The following VPS53 variants were observed in gnomAD, a reference collection of about 807,000 sequenced individuals.
The protein encoded by VPS53 is VPS53 subunit of GARP complex.
VPS53 carries 70 observed loss-of-function variants against 107.0 expected under a neutral mutation model. The observed-to-expected ratio is 0.65, with a 90% confidence interval of 0.54 to 0.80. The LOEUF (loss-of-function observed/expected upper bound fraction) is 0.80, where lower values mean the gene tolerates loss of function less well. Ranked by LOEUF, VPS53 falls within the 30% of genes least tolerant of loss-of-function variation. The pLI, the probability that VPS53 is intolerant of heterozygous loss-of-function variation, is 0.00. For missense variants in VPS53, 917 were observed against 1,049.4 expected, an observed-to-expected ratio of 0.87 and a Z score of 1.74; for synonymous variants, 409 against 393.3, an observed-to-expected ratio of 1.04 and a Z score of -0.47.
chr17:555,800 C>T (rs1912291810), intron 15 of VPS53, among the ~76,000 whole-genome samples: 1 of 152,218 alleles, frequency 6.6e-6, no homozygotes, highest in South Asian at 2.1e-4. Flanking sequence ...TGAATCAGCT[C>T]AGGCTTCTAC....
intron 13 of VPS53, among the ~76,000 whole-genome samples, chr17:568,274 C>T (rs547522685): frequency 6.6e-6 from 1 of 152,182 alleles, no homozygotes; most frequent in South Asian, 2.1e-4. Context: ...TTTTTTGAGA[C>T]AGGGTCACCC....
intron 17 of VPS53, among the ~76,000 whole-genome samples, chr17:542,167 T>G (rs1319164139): frequency 6.6e-6 from 1 of 152,270 alleles, no homozygotes; most frequent in Non-Finnish European, 1.5e-5. Flanking sequence ...CCTGACATTT[T>G]CACATGACCT....
In VPS53 at chr17:512,755, C is replaced by G. The variant is rs1908029603; in HGVS notation, c.*6373G>C. 6.6e-6 allele frequency: 1 copy of G among 152,164 alleles called. No homozygotes were observed. Among genetic ancestry groups the G allele is most frequent in the Admixed American group, 6.5e-5 (1 of 15,276 alleles). 9.4% of individuals were successfully genotyped at this position (152,164 alleles called of 1,614,324 possible). On this transcript the variant is annotated 3_prime_UTR_variant, in exon 22 of 22. Transcript: ENST00000437048. ...TTTCATGGCAAAAACGTCCAACCAG[C>G]TACTAAGGAAACAGGATGGACTCAT... is the stretch of plus-strand genomic sequence containing the variant.
chr17:640,422 G>A (rs1002906854), intron 7 of VPS53, among the ~76,000 whole-genome samples: 1 of 152,104 alleles, frequency 6.6e-6, no homozygotes, highest in Non-Finnish European at 1.5e-5. Flanking sequence ...CCCACTGTCC[G>A]ACAAGCCCCA....
intron 4 of VPS53, among the ~76,000 whole-genome samples, chr17:662,493 T>C (rs369003595): frequency 1.6e-3 from 246 of 151,844 alleles, no homozygotes; most frequent in Non-Finnish European, 2.4e-3. Flanking sequence ...ATCAAGACCA[T>C]CCTGGCTAAC....
intron 13 of VPS53, among the ~76,000 whole-genome samples, chr17:572,155 C>T (rs1225599145): frequency 2.6e-5 from 4 of 151,252 alleles, no homozygotes; most frequent in Admixed American, 6.6e-5. Flanking sequence ...TCTGCCCGGC[C>T]GCCCATCGTC....
At chr17:553,690 C>T (rs1912078053) in intron 15 of VPS53, among the ~76,000 whole-genome samples, 2 of 151,744 alleles carry the variant, frequency 1.3e-5, no homozygotes, top group Non-Finnish European at 2.9e-5. Flanking sequence ...CCTGCCTCAG[C>T]CTCCCGAGTA....
intron 12 of VPS53, among the ~76,000 whole-genome samples, chr17:599,775 A>C (rs1344156286): frequency 4.0e-5 from 5 of 126,010 alleles, no homozygotes; most frequent in Non-Finnish European, 8.9e-5. Flanking sequence ...AAAAAAAAAA[A>C]CAAAAACAAA....
intron 12 of VPS53, among the ~76,000 whole-genome samples, chr17:590,282 G>A (rs1415486883): frequency 2.0e-5 from 3 of 152,204 alleles, no homozygotes; most frequent in Non-Finnish European, 4.4e-5. Flanking sequence ...TTTGGGCTGA[G>A]ATAATGGGGT....
At chr17:588,424 G>A (rs1035382644) in intron 12 of VPS53, among the ~76,000 whole-genome samples, 4 of 152,092 alleles carry the variant, frequency 2.6e-5, no homozygotes, top group Admixed American at 2.6e-4. Flanking sequence ...CCTAATGACA[G>A]AAATGATAAC....
chr17:642,299 C>T (rs939539273), intron 7 of VPS53, among the ~76,000 whole-genome samples: 20 of 151,834 alleles, frequency 1.3e-4, no homozygotes, highest in African/African-American at 3.4e-4. Flanking sequence ...ACTTGGCAAC[C>T]GAGGACAACA....
Position 702,122 on chromosome 17 carries a change from G to C in VPS53, c.169-2742C>G, listed in dbSNP as rs149208521. 3.7e-3 allele frequency among the ~76,000 whole-genome samples: 559 copies of C among 152,308 alleles called. 2 individuals are homozygous for C. The Middle Eastern group carries it at 0.068, about 19-fold the overall frequency. Reference sequence around the variant, plus strand: ...TATGTCTGTCCTTTGGGAGGCTGAGGTGGGTGGACTGCTAGAGCCCAAGAG... The same window carrying C: ...TATGTCTGTCCTTTGGGAGGCTGAGCTGGGTGGACTGCTAGAGCCCAAGAG... On this transcript the variant is annotated intron_variant, in intron 2 of 21. Coordinates refer to ENST00000437048, the MANE Select transcript of VPS53 (RefSeq NM_001128159.3).
chr17:631,829 A>G (rs536842275), intron 7 of VPS53, among the ~76,000 whole-genome samples: 22 of 152,130 alleles, frequency 1.4e-4, no homozygotes, highest in African/African-American at 5.1e-4. Flanking sequence ...CTCAGGGTGA[A>G]TCTTCTATAT....
intron 4 of VPS53, among the ~76,000 whole-genome samples, chr17:677,104 C>T (rs1159306540): frequency 1.3e-5 from 2 of 152,120 alleles, no homozygotes; most frequent in Admixed American, 6.6e-5. Context: ...CCTAGGTACA[C>T]AGCATAAGGG....
intron 19 of VPS53, among the ~76,000 whole-genome samples, chr17:529,836 T>C (rs1041884470): frequency 5.5e-5 from 8 of 146,776 alleles, no homozygotes; most frequent in African/African-American, 2.1e-4. Flanking sequence ...GAGACCAGCC[T>C]GGGAGACACA....
chr17:648,745 T>G (rs112649591), intron 7 of VPS53, among the ~76,000 whole-genome samples: 6,093 of 63,124 alleles, frequency 0.097, 79 homozygotes, highest in East Asian at 0.17. Context: ...TCTTACACTA[T>G]AGGACAGAGG....
At chr17:625,066 A>G (rs1263834266) in intron 10 of VPS53, among the ~76,000 whole-genome samples, 3 of 148,466 alleles carry the variant, frequency 2.0e-5, no homozygotes, top group Admixed American at 6.9e-5. Context: ...ATAATGGCCT[A>G]CTGCAACCTT....
chr17:686,327 A>G (rs1012185163), intron 4 of VPS53, among the ~76,000 whole-genome samples: 1 of 152,058 alleles, frequency 6.6e-6, no homozygotes, highest in African/African-American at 2.4e-5. Flanking sequence ...CTCTAAGAAG[A>G]AAAAAAAGAA....
At chr17:545,079 T>A (rs1031987194) in intron 17 of VPS53, among the ~76,000 whole-genome samples, 4 of 152,138 alleles carry the variant, frequency 2.6e-5, no homozygotes, top group African/African-American at 9.7e-5. Context: ...AAGAAATTTT[T>A]TTATGAAAGA....
Sources: allele counts gnomAD v4.1 joint callset (sites outside exome capture counted in the v4.1 genomes callset), GRCh38; gene constraint gnomAD v4.1.1; transcripts MANE v1.5; gene names NCBI Gene and HGNC (gene_info 2026-07-23, HGNC 2026-07-21).